The following TMEM154 variants were observed in gnomAD, a reference collection of about 807,000 sequenced individuals.
TMEM154 encodes the protein transmembrane protein 154.
Under a neutral mutation model 24.5 loss-of-function variants are expected in TMEM154, and 27 were observed. That is an observed-to-expected ratio of 1.10 (90% confidence interval 0.81 to 1.52). The LOEUF (loss-of-function observed/expected upper bound fraction) is 1.52, where lower values mean the gene tolerates loss of function less well. Among genes scored for constraint, TMEM154 ranks in the 40% most tolerant of loss-of-function variants. The probability of loss-of-function intolerance (pLI) is 0.00; values close to 1 mark genes in which losing one functional copy is unlikely to be tolerated. For missense variants in TMEM154, 228 were observed against 213.4 expected (o/e 1.07, Z -0.43); for synonymous variants, 67 against 76.8 (o/e 0.87, Z 0.67).
At chr4:152,676,591 T>C (rs547215195) in intron 1 of TMEM154, among the ~76,000 whole-genome samples, 91 of 152,342 alleles carry the variant, frequency 6.0e-4, no homozygotes, top group African/African-American at 1.9e-3. Context: ...TTTAGAATAG[T>C]GCCTGACCTA....
Position 152,645,855 on chromosome 4 carries a change from T to G in TMEM154, c.365-1413A>C, listed in dbSNP as rs573582716. Among the ~76,000 whole-genome samples the G allele has an allele frequency of 2.6e-5, 4 of 151,930 alleles. No individual in the cohort carries two copies. The East Asian group carries it at 5.8e-4, about 22-fold the overall frequency. On this transcript the variant is annotated intron_variant, in intron 3 of 6. Transcript: ENST00000304385. ...TGCCTTCCAGGAGCTGCAGGCTATGTCCTCCTGCCCTCCAGTAGGCATCTA... is the reference window on the plus strand; with the variant it reads ...TGCCTTCCAGGAGCTGCAGGCTATGGCCTCCTGCCCTCCAGTAGGCATCTA...
intron 5 of TMEM154, among the ~76,000 whole-genome samples, chr4:152,641,740 G>A (rs1055686205): frequency 5.8e-5 from 8 of 138,572 alleles, no homozygotes; most frequent in Non-Finnish European, 1.1e-4. Flanking sequence ...ACAACAAAAC[G>A]AGACTCCTGA....
chr4:152,643,158 T>C lies in TMEM154; in HGVS notation c.408A>G (p.Glu136=), dbSNP rs770713751. The C allele has an allele frequency of 1.9e-6, 3 of 1,610,148 alleles. No homozygotes were observed. In the East Asian group the frequency reaches 6.7e-5, roughly 36 times the overall value. ...CAATTTCCATAACAGAGGGTGTATCTTCCTCAAAAATAGGGCTAGAAATAG... is the reference window on the plus strand; with the variant it reads ...CAATTTCCATAACAGAGGGTGTATCCTCCTCAAAAATAGGGCTAGAAATAG... ...SENVKVPIFE[E]DTPSVMEIEM... is the part of the protein sequence containing the mutation. Residue 136 remains glutamate, a synonymous_variant, in exon 5 of 7, where the codon GAA becomes GAG. Coordinates refer to ENST00000304385, the MANE Select transcript of TMEM154 (RefSeq NM_152680.3).
chr4:152,624,701 CAA>C lies in TMEM154; in HGVS notation c.*3843_*3844del, dbSNP rs1325776930. The C allele has an allele frequency of 2.0e-5, 3 of 152,040 alleles. No individual in the cohort carries two copies. The highest frequency in any genetic ancestry group is 4.4e-5 in the Non-Finnish European group (3 of 68,002). 9.4% of individuals were successfully genotyped at this position (152,040 alleles called of 1,614,324 possible). Reference sequence around the variant, plus strand: ...AGACAAGACAGTATCAAGATAAAGCCAAAGAGTTGCTAAAAACAAAAAATAAT... The same window carrying C: ...AGACAAGACAGTATCAAGATAAAGCCAGAGTTGCTAAAAACAAAAAATAAT... On this transcript the variant is annotated 3_prime_UTR_variant, in exon 7 of 7. Transcript: ENST00000304385.
intron 6 of TMEM154, among the ~76,000 whole-genome samples, chr4:152,635,045 A>G (rs1579510502): frequency 6.6e-6 from 1 of 152,358 alleles, no homozygotes; most frequent in East Asian, 1.9e-4. Context: ...TTGAGGGACT[A>G]AAGAAGAAAA....
intron 1 of TMEM154, among the ~76,000 whole-genome samples, chr4:152,679,541 T>TG (rs1729018887): frequency 6.6e-6 from 1 of 151,508 alleles, no homozygotes; most frequent in African/African-American, 2.4e-5. Flanking sequence ...CTTTTGTTTT[T>TG]TTTTACATAA....
chr4:152,679,941 CGCCTCGGCAGAG>C lies in TMEM154; in HGVS notation c.-20_-9del. The C allele has an allele frequency of 6.2e-7, 1 of 1,607,098 alleles. No individual in the cohort carries two copies. The highest frequency in any genetic ancestry group is 1.3e-5 in the African/African-American group (1 of 75,012). On this transcript the variant is annotated 5_prime_UTR_variant, in exon 1 of 7. Coordinates refer to ENST00000304385, the MANE Select transcript of TMEM154 (RefSeq NM_152680.3). ...TGCGCGGGGAGCCTGCATGTCCGCT[CGCCTCGGCAGAG>C]GCGCGCTCAGGATGCTGCGCCGGGC...
intron 6 of TMEM154, among the ~76,000 whole-genome samples, chr4:152,631,519 G>A (rs991633730): frequency 5.4e-5 from 8 of 148,872 alleles, no homozygotes; most frequent in African/African-American, 9.9e-5. Flanking sequence ...CTGCAGCCTC[G>A]ACCTCCTGGG....
intron 1 of TMEM154, among the ~76,000 whole-genome samples, chr4:152,658,293 G>A: frequency 6.6e-6 from 1 of 152,120 alleles, no homozygotes; most frequent in East Asian, 1.9e-4. Flanking sequence ...CAAAAGCAGT[G>A]CTAAGAGGGA....
intron 6 of TMEM154, among the ~76,000 whole-genome samples, chr4:152,639,487 G>T (rs1232279447): frequency 6.6e-6 from 1 of 151,910 alleles, no homozygotes; most frequent in Non-Finnish European, 1.5e-5. Context: ...ATATTTCCAG[G>T]TAAGATCAAA....
intron 3 of TMEM154, among the ~76,000 whole-genome samples, chr4:152,647,513 G>A (rs375246310): frequency 4.6e-5 from 7 of 152,286 alleles, no homozygotes; most frequent in Admixed American, 1.3e-4. Context: ...TAAGCCAATT[G>A]TTTTGAAATG....
intron 4 of TMEM154, among the ~76,000 whole-genome samples, chr4:152,643,597 C>T (rs1752299013): frequency 1.3e-5 from 2 of 152,222 alleles, no homozygotes; most frequent in South Asian, 4.1e-4. Context: ...AGGCCACTGT[C>T]AACAGGCTAC....
intron 1 of TMEM154, among the ~76,000 whole-genome samples, chr4:152,678,584 A>C (rs1273875714): frequency 6.6e-6 from 1 of 152,142 alleles, no homozygotes; most frequent in East Asian, 1.9e-4. Flanking sequence ...AGAACTCTGG[A>C]GTAGAAGCCA....
chr4:152,667,281 G>A (rs762420009), intron 1 of TMEM154, among the ~76,000 whole-genome samples: 4 of 152,214 alleles, frequency 2.6e-5, no homozygotes, highest in Non-Finnish European at 5.9e-5. Context: ...CATACACGGT[G>A]TATCTCTAGT....
At chr4:152,664,377 C>T (rs9995061) in intron 1 of TMEM154, among the ~76,000 whole-genome samples, 7,719 of 129,450 alleles carry the variant, frequency 0.06, 262 homozygotes, top group Non-Finnish European at 0.078. Context: ...CCTGTCGTGG[C>T]GGGGGGGTAC....
intron 1 of TMEM154, among the ~76,000 whole-genome samples, chr4:152,656,790 G>A (rs993562412): frequency 6.1e-4 from 93 of 151,920 alleles, no homozygotes; most frequent in African/African-American, 2.2e-3. Flanking sequence ...GCATGGTGGT[G>A]CATGCCTGTA....
rs192963055 is a variant in TMEM154, at chr4:152,663,445, C to T, written c.65-10518G>A. Among the ~76,000 whole-genome samples, 48 of 152,352 alleles carry T rather than the reference C, an allele frequency of 3.2e-4. No individual in the cohort carries two copies. The East Asian group carries it at 8.9e-3, about 28-fold the overall frequency. The stretch of plus-strand genomic sequence containing the variant: ...AATAGAAAAGAAGAAATAAGGAACA[C>T]AACAGGTTAGAAGCAGAAAGGTGTG... On this transcript the variant is annotated intron_variant, in intron 1 of 6. Coordinates refer to ENST00000304385, the MANE Select transcript of TMEM154 (RefSeq NM_152680.3).
At chr4:152,660,577 T>C (rs971451119) in intron 1 of TMEM154, among the ~76,000 whole-genome samples, 1 of 152,144 alleles carries the variant, frequency 6.6e-6, no homozygotes, top group African/African-American at 2.4e-5. Context: ...TTGCCCAAGA[T>C]CACAGAGCTC....
intron 1 of TMEM154, among the ~76,000 whole-genome samples, chr4:152,664,759 C>T (rs1561056162): frequency 6.6e-6 from 1 of 152,124 alleles, no homozygotes; most frequent in Admixed American, 6.5e-5. Context: ...TATGTGAACT[C>T]CATGTGCAAA....
Sources: allele counts gnomAD v4.1 joint callset (sites outside exome capture counted in the v4.1 genomes callset), GRCh38; gene constraint gnomAD v4.1.1; transcripts MANE v1.5; gene names NCBI Gene and HGNC (gene_info 2026-07-23, HGNC 2026-07-21).